The following ZNF74 variants were observed in gnomAD, a reference collection of about 807,000 sequenced individuals.
ZNF74 encodes the protein zinc finger protein 74.
ZNF74 carries 12 observed loss-of-function variants against 17.7 expected under a neutral mutation model. That is an observed-to-expected ratio of 0.68 (90% CI 0.43 to 1.10). ZNF74 has a LOEUF of 1.10. ZNF74 is among the 50% of genes least tolerant of loss of function. The pLI is 0.00. For synonymous variants in ZNF74, 358 were observed against 362.1 expected, an observed-to-expected ratio of 0.99 and a Z score of 0.13; for missense variants, 811 against 881.0, an observed-to-expected ratio of 0.92 and a Z score of 1.01.
At chr22:20,399,444 C>T in intron 2 of ZNF74, 1 of 230,644 alleles carries the variant, frequency 4.3e-6, no homozygotes, top group Non-Finnish European at 8.7e-6. Flanking sequence ...TTTAACCTAT[C>T]TTTGTATGTA....
In ZNF74 at chr22:20,395,415, C is replaced by G. The variant is rs764330941; in HGVS notation, c.117C>G (p.Ser39=). 1.2e-6 allele frequency: 2 copies of G among 1,601,274 alleles called. No individual in the cohort carries two copies. Among genetic ancestry groups the G allele is most frequent in the Non-Finnish European group, 1.7e-6 (2 of 1,170,188 alleles). ...GTTGGGGTCTTCCCGAAGCCAGGTCCAAGGTGAGTGGCTGTGTGTTCTTCC... is the reference window on the plus strand; with the variant it reads ...GTTGGGGTCTTCCCGAAGCCAGGTCGAAGGTGAGTGGCTGTGTGTTCTTCC... The part of the protein sequence containing the change: ...ISGWGLPEAR[S]KESVSFKDVA... Residue 39 remains serine (S), a synonymous_variant, in exon 2 of 5, where the codon TCC becomes TCG. Coordinates refer to ENST00000400451, the MANE Select transcript of ZNF74 (RefSeq NM_003426.4).
At chr22:20,403,721 A>T (rs2052382726) in intron 4 of ZNF74, among the ~76,000 whole-genome samples, 1 of 152,006 alleles carries the variant, frequency 6.6e-6, no homozygotes, top group Non-Finnish European at 1.5e-5. Context: ...GCGAGCTGTG[A>T]TTGCACCCCT....
intron 1 of ZNF74, chr22:20,395,111 G>C (rs1601262771): frequency 2.0e-6 from 1 of 492,320 alleles, no homozygotes; most frequent in Non-Finnish European, 3.6e-6. Flanking sequence ...TGCTTGATTG[G>C]GGGTAGCAGC....
chr22:20,394,921 C>G, intron 1 of ZNF74: 1 of 519,506 alleles, frequency 1.9e-6, no homozygotes, highest in Non-Finnish European at 3.4e-6. Flanking sequence ...CCACCACGCC[C>G]GGCTAATGTT....
At chr22:20,398,356 C>T (rs2052320141) in intron 2 of ZNF74, among the ~76,000 whole-genome samples, 2 of 148,412 alleles carry the variant, frequency 1.3e-5, no homozygotes, top group South Asian at 2.1e-4. Context: ...CTCGGAGTTA[C>T]CAAGCATTGA....
rs181699059 is a variant in ZNF74, at chr22:20,400,301, C to G, written c.121-331C>G. 4.3e-5 allele frequency: 11 copies of G among 257,744 alleles called. No individual in the cohort carries two copies. In the East Asian group the frequency reaches 9.8e-4, roughly 23 times the overall value. 16.0% of individuals were successfully genotyped at this position (257,744 alleles called of 1,614,324 possible). Reference sequence around the variant, plus strand: ...GTTTGAAATTCTTGACTCCAGGAAGCATAGCATCTCACCCAGGACTTAGAG... The same window carrying G: ...GTTTGAAATTCTTGACTCCAGGAAGGATAGCATCTCACCCAGGACTTAGAG... On this transcript the variant is annotated intron_variant, in intron 2 of 4. Coordinates refer to ENST00000400451, the MANE Select transcript of ZNF74 (RefSeq NM_003426.4).
At position 20,394,500 on chromosome 22, in the gene ZNF74, G is replaced by T; in HGVS notation, c.-129G>T. On this transcript the variant is annotated 5_prime_UTR_variant, in exon 1 of 5. Transcript: ENST00000400451. ...CGTGTGATCGTGCAGCTGTGAGCGC[G>T]TGGCCGCCCCGCGGGGCTCCGCTGC... is the stretch of plus-strand genomic sequence containing the variant. 2 of 957,684 alleles carry T rather than the reference G, an allele frequency of 2.1e-6. No individual in the cohort carries two copies. Among genetic ancestry groups the T allele is most frequent in the Non-Finnish European group, 3.2e-6 (2 of 620,364 alleles). The allele number at this position is 957,684 out of a possible 1,614,324, so 59.3% of individuals were successfully genotyped here. A position where few individuals can be genotyped will look rare whatever the true frequency, so the allele number is the denominator to read the frequency against.
intron 1 of ZNF74, chr22:20,394,867 T>G (rs991907098): frequency 1.8e-6 from 1 of 561,282 alleles, no homozygotes; most frequent in African/African-American, 1.9e-5. Flanking sequence ...TTCAAACTAT[T>G]CTCCCGCCTC....
Position 20,394,463 on chromosome 22 carries a change from G to A in ZNF74, c.-166G>A. ...ACCCCACCTCAGCCGGGCGCGGGGAGGGGGCTCCGTGCGTGTGATCGTGCA... is the reference window on the plus strand; with the variant it reads ...ACCCCACCTCAGCCGGGCGCGGGGAAGGGGCTCCGTGCGTGTGATCGTGCA... On this transcript the variant is annotated 5_prime_UTR_variant, in exon 1 of 5. Coordinates refer to ENST00000400451, the MANE Select transcript of ZNF74 (RefSeq NM_003426.4). 5.9e-6 allele frequency: 4 copies of A among 678,204 alleles called. No individual in the cohort carries two copies. The highest frequency in any genetic ancestry group is 1.0e-5 in the Non-Finnish European group (4 of 391,712). The allele number at this position is 678,204 out of a possible 1,614,324, so 42.0% of individuals were successfully genotyped here. A position where few individuals can be genotyped will look rare whatever the true frequency, so the allele number is the denominator to read the frequency against.
intron 2 of ZNF74, among the ~76,000 whole-genome samples, chr22:20,396,162 G>T (rs1360166366): frequency 4.3e-5 from 6 of 140,650 alleles, no homozygotes; most frequent in Non-Finnish European, 6.0e-5. Context: ...GGGTCTTTGG[G>T]TTTTTGTTTT....
At chr22:20,397,628 G>A (rs1268434611) in intron 2 of ZNF74, among the ~76,000 whole-genome samples, 1 of 152,100 alleles carries the variant, frequency 6.6e-6, no homozygotes, top group Non-Finnish European at 1.5e-5. Context: ...ATATTATGTG[G>A]TCTTTTGTCT....
rs1234881965 is a variant in ZNF74, at chr22:20,405,838, T to A, written c.805T>A (p.Trp269Arg). Residue 269 changes from tryptophan to arginine, a missense_variant, in exon 5 of 5, where the codon TGG becomes AGG. By Grantham distance (101) the Trp-to-Arg change is moderately radical (BLOSUM62 -3). Coordinates refer to ENST00000400451, the MANE Select transcript of ZNF74 (RefSeq NM_003426.4). ...QSSSLTLHRRWHSREKAYKCD... is the reference protein window; with the variant it reads ...QSSSLTLHRRRHSREKAYKCD... ...CTCCTCCCTCACGCTGCACCGGCGCTGGCACAGCCGGGAGAAGGCTTACAA... is the reference window on the plus strand; with the variant it reads ...CTCCTCCCTCACGCTGCACCGGCGCAGGCACAGCCGGGAGAAGGCTTACAA... The A allele has an allele frequency of 1.2e-6, 2 of 1,612,342 alleles. No homozygotes were observed. Among genetic ancestry groups the A allele is most frequent in the South Asian group, 2.2e-5 (2 of 91,028 alleles).
At chr22:20,403,072 T>C (rs1359173031) in intron 4 of ZNF74, among the ~76,000 whole-genome samples, 1 of 152,160 alleles carries the variant, frequency 6.6e-6, no homozygotes, top group African/African-American at 2.4e-5. Flanking sequence ...CGTCCTCACG[T>C]GATGTTTACT....
chr22:20,401,097 G>A lies in ZNF74; in HGVS notation c.248-180G>A. 1.7e-6 allele frequency: 1 copy of A among 604,280 alleles called. No homozygotes were observed. The highest frequency in any genetic ancestry group is 3.0e-6 in the Non-Finnish European group (1 of 338,672). The allele number at this position is 604,280 out of a possible 1,614,324, so 37.4% of individuals were successfully genotyped here. On this transcript the variant is annotated intron_variant, in intron 3 of 4. Transcript: ENST00000400451. This position sits in a 1 kb window ranked among gnomAD's most constrained non-coding sequence, Gnocchi z 4.2. ...GACGTCAGCACACGTGGGGTCTTCA[G>A]AGTATACACTGGGATTTGGGTTCCA...
rs1175389444 is a variant in ZNF74, at chr22:20,406,230, C to T, written c.1197C>T (p.Cys399=). The change falls in exon 5 of 5, where the codon TGC becomes TGT. Residue 399 remains cysteine, a synonymous_variant. Coordinates refer to ENST00000400451, the MANE Select transcript of ZNF74 (RefSeq NM_003426.4). The stretch of plus-strand genomic sequence containing the variant: ...GCTCCTGCGGCAAGGCCTTCACCTG[C>T]CACTCATCCCTCACCGTGCATGAGA... ...QCGSCGKAFT[C]HSSLTVHEKI... 1 of 1,612,852 alleles carries T rather than the reference C, an allele frequency of 6.2e-7. No homozygotes were observed. The highest frequency in any genetic ancestry group is 1.1e-5 in the South Asian group (1 of 91,080).
Position 20,407,148 on chromosome 22 carries a change from G to A in ZNF74, c.*180G>A. On this transcript the variant is annotated 3_prime_UTR_variant, in exon 5 of 5. Coordinates refer to ENST00000400451, the MANE Select transcript of ZNF74 (RefSeq NM_003426.4). ...CTAGTTAAAGTCAGTCACCTCCCCA[G>A]AAGGGCCACACTCCAGGAGGAGTGT... 2.2e-6 allele frequency: 2 copies of A among 910,088 alleles called. No homozygotes were observed. Among genetic ancestry groups the A allele is most frequent in the South Asian group, 3.6e-5 (2 of 55,616 alleles). 56.4% of individuals were successfully genotyped at this position (910,088 alleles called of 1,614,324 possible). A position where few individuals can be genotyped will look rare whatever the true frequency, so the allele number is the denominator to read the frequency against.
In ZNF74 at chr22:20,394,655, G is replaced by C. The variant is rs1414214114; in HGVS notation, c.27G>C (p.Glu9Asp). 1.2e-6 allele frequency: 2 copies of C among 1,614,202 alleles called. No homozygotes were observed. The highest frequency in any genetic ancestry group is 3.3e-5 in the Admixed American group (2 of 60,034). Reference protein sequence around the residue: MEIPAPEPEKTALSSQDPA... With the variant: MEIPAPEPDKTALSSQDPA... ...TGGAGATCCCTGCCCCGGAGCCCGA[G>C]AAGACAGGTACAGCTTCACTCTTGT... is the stretch of plus-strand genomic sequence containing the variant. Residue 9 changes from glutamate to aspartate, a missense_variant, in exon 1 of 5, where the codon GAG becomes GAC. By Grantham distance (45) the Glu-to-Asp change is conservative. Transcript: ENST00000400451.
chr22:20,402,495 C>T (rs188497238), intron 4 of ZNF74, among the ~76,000 whole-genome samples: 292 of 145,986 alleles, frequency 2.0e-3, no homozygotes, highest in Middle Eastern at 3.5e-3. Flanking sequence ...CCTCTGTGTG[C>T]GGATAGACTT....
Position 20,407,050 on chromosome 22 carries a change from C to T in ZNF74, c.*82C>T, listed in dbSNP as rs2052440943. ...CCTGGTCCTCCCTGGCTCCTAGATC[C>T]AGACCACCTTCCTCCAGGTGTGGGA... On this transcript the variant is annotated 3_prime_UTR_variant, in exon 5 of 5. Coordinates refer to ENST00000400451, the MANE Select transcript of ZNF74 (RefSeq NM_003426.4). 3 of 1,479,734 alleles carry T rather than the reference C, an allele frequency of 2.0e-6. No individual in the cohort carries two copies. Among genetic ancestry groups the T allele is most frequent in the Non-Finnish European group, 2.7e-6 (3 of 1,116,056 alleles). The allele number at this position is 1,479,734 out of a possible 1,614,324, so 91.7% of individuals were successfully genotyped here. A position where few individuals can be genotyped will look rare whatever the true frequency, so the allele number is the denominator to read the frequency against.
Sources: allele counts gnomAD v4.1 joint callset (sites outside exome capture counted in the v4.1 genomes callset), GRCh38; gene constraint gnomAD v4.1.1; non-coding constraint Gnocchi (gnomAD v3.1); transcripts MANE v1.5; gene names NCBI Gene and HGNC (gene_info 2026-07-23, HGNC 2026-07-21).